The following MACROD2 variants were observed in gnomAD, a reference collection of about 807,000 sequenced individuals.
The protein encoded by MACROD2 is ADP-ribose glycohydrolase MACROD2.
A neutral mutation model predicts 70.4 loss-of-function variants in MACROD2; 36 were observed. The ratio of observed to expected loss-of-function variants is 0.51; its 90% CI spans 0.39 to 0.68. The LOEUF is 0.68. Among genes scored for constraint, MACROD2 ranks in the 30% least tolerant of loss-of-function variants. The pLI is 0.00. For synonymous variants in MACROD2, 172 were observed against 178.8 expected (o/e 0.96, Z 0.30); for missense variants, 496 against 538.4 (o/e 0.92, Z 0.78).
intron 3 of MACROD2, among the ~76,000 whole-genome samples, chr20:14,275,680 C>T (rs2082246358): frequency 6.6e-6 from 1 of 152,140 alleles, no homozygotes; most frequent in Non-Finnish European, 1.5e-5. Flanking sequence ...AAACTACCAT[C>T]AGAGTGAACA....
At chr20:15,758,659 CCTCCTGAGTAGCTGGGACTATAGGCATG>C (rs1475851607) in intron 8 of MACROD2, among the ~76,000 whole-genome samples, 18 of 151,990 alleles carry the variant, frequency 1.2e-4, no homozygotes, top group Non-Finnish European at 2.9e-5. Context: ...TCTTCCTCAG[CCTCCTGAGTAGCTGGGACTATAGGCATG>C]CTCCACCACA....
chr20:14,000,022 A>G (rs1305325555), intron 1 of MACROD2, among the ~76,000 whole-genome samples: 1 of 152,196 alleles, frequency 6.6e-6, no homozygotes, highest in African/African-American at 2.4e-5. Flanking sequence ...CAAGAAAAAA[A>G]CAACTCTGTT....
intron 12 of MACROD2, among the ~76,000 whole-genome samples, chr20:15,961,104 G>A (rs995325507): frequency 2.0e-5 from 3 of 152,186 alleles, no homozygotes; most frequent in Non-Finnish European, 4.4e-5. Flanking sequence ...GCCACACGAT[G>A]AGCCACTCTG....
intron 7 of MACROD2, among the ~76,000 whole-genome samples, chr20:15,458,357 C>G (rs2046758584): frequency 6.6e-6 from 1 of 152,094 alleles, no homozygotes; most frequent in Non-Finnish European, 1.5e-5. Flanking sequence ...TTTTTATGGT[C>G]AAACTCAGGA....
rs2064887775 is a variant in MACROD2 at position 15,891,380 on chromosome 20, GC to G, written c.775+5571del. Among the ~76,000 whole-genome samples the G allele has an allele frequency of 2.0e-5, 3 of 152,184 alleles. No homozygotes were observed. The South Asian group carries it at 6.2e-4, about 32-fold the overall frequency. On this transcript the variant is annotated intron_variant, in intron 10 of 17. Coordinates refer to ENST00000684519, the MANE Select transcript of MACROD2 (RefSeq NM_001351661.2). Reference sequence around the variant, plus strand: ...GGGCCCCAATGACATGCTGTGCTAGGCCTGGAATTGGATTTGGATCTTATTC... The same window carrying G: ...GGGCCCCAATGACATGCTGTGCTAGGCTGGAATTGGATTTGGATCTTATTC...
intron 5 of MACROD2, among the ~76,000 whole-genome samples, chr20:14,730,068 A>T (rs1392948525): frequency 1.3e-5 from 2 of 152,156 alleles, no homozygotes; most frequent in South Asian, 4.1e-4. Flanking sequence ...AAACTAGAAG[A>T]TCTAAACAAT....
intron 8 of MACROD2, among the ~76,000 whole-genome samples, chr20:15,804,572 G>A (rs149717606): frequency 0.012 from 1,896 of 152,230 alleles, 23 homozygotes; most frequent in Admixed American, 0.035. Context: ...GAGCATGTGC[G>A]TTGTCAAAAG....
intron 5 of MACROD2, among the ~76,000 whole-genome samples, chr20:15,138,380 G>A (rs2076166513): frequency 6.6e-6 from 1 of 152,094 alleles, no homozygotes; most frequent in African/African-American, 2.4e-5. Flanking sequence ...GAAATATTGA[G>A]AATTTATGCA....
chr20:15,555,880 C>G (rs2048163576), intron 8 of MACROD2, among the ~76,000 whole-genome samples: 1 of 143,554 alleles, frequency 7.0e-6, no homozygotes, highest in African/African-American at 2.6e-5. Context: ...AGGAAAGAAC[C>G]ATAAATTAAC....
intron 2 of MACROD2, among the ~76,000 whole-genome samples, chr20:14,075,521 C>T (rs1355949705): frequency 6.6e-6 from 1 of 152,136 alleles, no homozygotes; most frequent in Non-Finnish European, 1.5e-5. Flanking sequence ...ACTTCACTGG[C>T]TTCTCTAGGA....
Position 14,470,259 on chromosome 20 carries a change from C to T in MACROD2, c.272-23220C>T, listed in dbSNP as rs111883274. 5.3e-3 allele frequency among the ~76,000 whole-genome samples: 812 copies of T among 152,190 alleles called. 10 individuals are homozygous for T. Among genetic ancestry groups the T allele is most frequent in the African/African-American group, 0.019 (772 of 41,514 alleles). On this transcript the variant is annotated intron_variant, in intron 3 of 17. Coordinates refer to ENST00000684519, the MANE Select transcript of MACROD2 (RefSeq NM_001351661.2). ...TTGCCGGGGTATCACCAGCAGAGAC[C>T]GCAGGACAGCAAAGATTGCTGTCTT...
At chr20:16,025,156 A>T (rs948323736) in intron 15 of MACROD2, among the ~76,000 whole-genome samples, 1 of 152,304 alleles carries the variant, frequency 6.6e-6, no homozygotes. Context: ...TATGATAGGG[A>T]AAGTTTCTTG....
intron 5 of MACROD2, among the ~76,000 whole-genome samples, chr20:14,946,117 T>G (rs2074430084): frequency 6.6e-6 from 1 of 151,966 alleles, no homozygotes; most frequent in African/African-American, 2.4e-5. Flanking sequence ...GAGAACTGCT[T>G]GAGCCCAGGA....
At chr20:15,180,966 A>G (rs1327298600) in intron 5 of MACROD2, among the ~76,000 whole-genome samples, 3 of 152,218 alleles carry the variant, frequency 2.0e-5, no homozygotes, top group Non-Finnish European at 4.4e-5. Flanking sequence ...TAATGATTTT[A>G]TATGCAGTGG....
chr20:14,178,174 A>G (rs958651217), intron 3 of MACROD2, among the ~76,000 whole-genome samples: 1 of 152,146 alleles, frequency 6.6e-6, no homozygotes, highest in East Asian at 1.9e-4. Flanking sequence ...TTAAAAATGA[A>G]GAGGCAAAAG....
chr20:14,904,114 C>T (rs889090372), intron 5 of MACROD2, among the ~76,000 whole-genome samples: 4 of 152,096 alleles, frequency 2.6e-5, no homozygotes, highest in African/African-American at 9.7e-5. Flanking sequence ...CTACCAAAGA[C>T]TTTAAACATA....
At chr20:15,310,718 C>T (rs1189589055) in intron 6 of MACROD2, among the ~76,000 whole-genome samples, 1 of 151,992 alleles carries the variant, frequency 6.6e-6, no homozygotes, top group Admixed American at 6.6e-5. Flanking sequence ...CTTGCAGAAA[C>T]AGAGAAGTCC....
chr20:15,793,560 T>C (rs2063645272), intron 8 of MACROD2, among the ~76,000 whole-genome samples: 2 of 152,058 alleles, frequency 1.3e-5, no homozygotes, highest in Non-Finnish European at 2.9e-5. Context: ...TAAAAAGCCA[T>C]ACTGTTAAAA....
intron 17 of MACROD2, among the ~76,000 whole-genome samples, chr20:16,049,552 G>A (rs1286625540): frequency 1.3e-5 from 2 of 152,148 alleles, no homozygotes; most frequent in Non-Finnish European, 2.9e-5. Flanking sequence ...AGTTTTCAAC[G>A]AATACTTTGA....
Sources: allele counts gnomAD v4.1 joint callset (sites outside exome capture counted in the v4.1 genomes callset), GRCh38; gene constraint gnomAD v4.1.1; transcripts MANE v1.5; gene names NCBI Gene and HGNC (gene_info 2026-07-23, HGNC 2026-07-21).